The following BCAS1 variants were observed in gnomAD, a reference collection of about 807,000 sequenced individuals.
The protein encoded by BCAS1 is brain enriched myelin associated protein 1, also known as breast carcinoma-amplified sequence 1.
In BCAS1, 46 loss-of-function variants were observed where a neutral mutation model predicts 65.4. That is an observed-to-expected ratio of 0.70 (90% CI 0.55 to 0.90). BCAS1 has a LOEUF of 0.90. Ranked by LOEUF, BCAS1 falls within the 40% of genes least tolerant of loss-of-function variation. The pLI is 0.00. For synonymous variants in BCAS1, 298 were observed against 293.5 expected, an observed-to-expected ratio of 1.02 and a Z score of -0.16; for missense variants, 793 against 771.2, an observed-to-expected ratio of 1.03 and a Z score of -0.33.
chr20:54,033,058 A>G (rs930201216), intron 3 of BCAS1, among the ~76,000 whole-genome samples: 2 of 151,344 alleles, frequency 1.3e-5, no homozygotes, highest in Admixed American at 1.3e-4. Context: ...ACTTTTGGGT[A>G]AATAATAAAA....
At chr20:53,974,687 C>G (rs542571322) in intron 9 of BCAS1, among the ~76,000 whole-genome samples, 6 of 152,182 alleles carry the variant, frequency 3.9e-5, no homozygotes, top group Non-Finnish European at 7.3e-5. Context: ...CCAAAGACTG[C>G]GCACTTCTTT....
intron 9 of BCAS1, 65 bp downstream of exon 9, chr20:53,975,324 G>T: frequency 1.4e-6 from 2 of 1,462,436 alleles, no homozygotes; most frequent in Non-Finnish European, 1.9e-6. Flanking sequence ...AGCTGAAAAT[G>T]CCCAATTGTA....
At chr20:53,967,192 A>G in intron 9 of BCAS1, 119 bp from the exon 10 acceptor site, 1 of 1,037,398 alleles carries the variant, frequency 9.6e-7, no homozygotes, top group African/African-American at 1.6e-5. Flanking sequence ...TTTTGAATCT[A>G]TGACCATTTC....
intron 8 of BCAS1, among the ~76,000 whole-genome samples, chr20:53,979,872 G>A (rs2090433816): frequency 6.6e-6 from 1 of 152,122 alleles, no homozygotes; most frequent in South Asian, 2.1e-4. Context: ...ATAAATGTTG[G>A]GAAGAAATGA....
At chr20:54,021,982 A>G (rs1249822694) in intron 4 of BCAS1, among the ~76,000 whole-genome samples, 1 of 152,246 alleles carries the variant, frequency 6.6e-6, no homozygotes, top group African/African-American at 2.4e-5. Flanking sequence ...GGCCATTGGA[A>G]AAATGGTGCT....
chr20:54,041,660 A>C (rs1476815832), intron 3 of BCAS1, among the ~76,000 whole-genome samples: 1 of 151,944 alleles, frequency 6.6e-6, no homozygotes, highest in African/African-American at 2.4e-5. Flanking sequence ...GAGGTGGGCA[A>C]ATCATGAGGT....
At chr20:53,947,054 T>A (rs6022868) in intron 12 of BCAS1, among the ~76,000 whole-genome samples, 12,795 of 152,184 alleles carry the variant, frequency 0.084, 726 homozygotes, top group African/African-American at 0.16. Context: ...TATATTGTAT[T>A]TACTACATAG....
intron 12 of BCAS1, among the ~76,000 whole-genome samples, chr20:53,951,075 C>T (rs2089505779): frequency 6.6e-6 from 1 of 152,168 alleles, no homozygotes; most frequent in Non-Finnish European, 1.5e-5. Context: ...GCCTTCGTAC[C>T]TATTGTAGAG....
chr20:53,966,953 C>A lies in BCAS1; in HGVS notation c.1438G>T (p.Glu480Ter). 1 of 1,613,134 alleles carries A rather than the reference C, an allele frequency of 6.2e-7. No individual in the cohort carries two copies. Among genetic ancestry groups the A allele is most frequent in the Non-Finnish European group, 8.5e-7 (1 of 1,179,598 alleles). The change falls in exon 10 of 13, where the codon GAA (glutamate) becomes TAA (stop). Residue 480 changes from glutamate to a stop codon, truncating the protein, a stop_gained. Transcript: ENST00000688948. LOFTEE classifies it high-confidence loss of function. ...PEPTEAKLKR[E>*]ESKPRTSLMA... Reference sequence around the variant, plus strand: ...AGAGAGGTTCTTGGTTTGCTTTCTTCTCTTTTGAGTTTCGCTTCTGTGGGT... The same window carrying A: ...AGAGAGGTTCTTGGTTTGCTTTCTTATCTTTTGAGTTTCGCTTCTGTGGGT...
chr20:53,989,485 C>CA (rs1445679896), intron 7 of BCAS1, among the ~76,000 whole-genome samples: 1 of 152,120 alleles, frequency 6.6e-6, no homozygotes. Context: ...GCTTCTGGCA[C>CA]AAAATAGACA....
At chr20:53,966,726 T>C (rs1021344068) in intron 10 of BCAS1, among the ~76,000 whole-genome samples, 180 bp downstream of exon 10, 1 of 152,208 alleles carries the variant, frequency 6.6e-6, no homozygotes, top group African/African-American at 2.4e-5. Flanking sequence ...AACTGAGACT[T>C]TCTGTATGAT....
At chr20:54,015,474 T>C (rs533928769) in intron 4 of BCAS1, among the ~76,000 whole-genome samples, 74 of 152,254 alleles carry the variant, frequency 4.9e-4, no homozygotes, top group African/African-American at 1.7e-3. Context: ...AAAAATTCAA[T>C]GAGTAGTTTT....
At chr20:54,032,089 G>A (rs1352327303) in intron 3 of BCAS1, among the ~76,000 whole-genome samples, 2 of 151,134 alleles carry the variant, frequency 1.3e-5, no homozygotes, top group Admixed American at 6.6e-5. Flanking sequence ...AGAGTGAAAG[G>A]CCCGGTCACC....
intron 10 of BCAS1, among the ~76,000 whole-genome samples, chr20:53,963,184 A>G (rs886291175): frequency 2.0e-5 from 3 of 151,474 alleles, no homozygotes; most frequent in Admixed American, 1.3e-4. Context: ...AAATTTCTAG[A>G]GAGAAAAAGA....
intron 4 of BCAS1, among the ~76,000 whole-genome samples, chr20:54,019,847 G>T (rs967541489): frequency 1.3e-5 from 2 of 152,156 alleles, no homozygotes; most frequent in African/African-American, 4.8e-5. Context: ...TCAGGCCTTT[G>T]GCCACAGACT....
chr20:54,011,393 AAAAC>A (rs148464465), intron 4 of BCAS1, among the ~76,000 whole-genome samples: 47,522 of 151,814 alleles, frequency 0.31, 7,718 homozygotes, highest in South Asian at 0.4. Flanking sequence ...CTCAACATTA[AAAAC>A]AAACAAAACA....
intron 3 of BCAS1, among the ~76,000 whole-genome samples, chr20:54,035,510 A>G (rs2091886098): frequency 6.6e-6 from 1 of 151,068 alleles, no homozygotes; most frequent in Admixed American, 6.6e-5. Flanking sequence ...ACAATGAGAT[A>G]CCATCTAATA....
chr20:54,008,752 C>T (rs114389847), intron 4 of BCAS1, among the ~76,000 whole-genome samples: 1,946 of 151,908 alleles, frequency 0.013, 43 homozygotes, highest in African/African-American at 0.044. Flanking sequence ...ACAAGGCAAT[C>T]AACAGATGTC....
chr20:54,051,022 C>T (rs1228670141), intron 3 of BCAS1, among the ~76,000 whole-genome samples: 4 of 152,180 alleles, frequency 2.6e-5, no homozygotes, highest in Admixed American at 2.6e-4. Flanking sequence ...TAGGCTTTCT[C>T]TTCTCTTTTT....
Sources: allele counts gnomAD v4.1 joint callset (sites outside exome capture counted in the v4.1 genomes callset), GRCh38; gene constraint gnomAD v4.1.1; transcripts MANE v1.5; gene names NCBI Gene and HGNC (gene_info 2026-07-23, HGNC 2026-07-21).